PMP22: variants seen among roughly 807,000 people sequenced by gnomAD.
The protein encoded by PMP22 is Charcot-Marie-Tooth neuropathy 1A (greatly reduced nerve conduction velocity, hereditary motor sensory neuropathy Ia).
PMP22 carries 2 observed loss-of-function variants against 18.9 expected under a neutral mutation model. The ratio of observed to expected loss-of-function variants is 0.11; its 90% confidence interval spans 0.04 to 0.33. The LOEUF is 0.33. Ranked by LOEUF, PMP22 falls within the 10% of genes least tolerant of loss-of-function variation. PMP22 has a pLI of 1.00. For missense variants in PMP22, 169 were observed against 202.2 expected (o/e 0.84, Z 1.00); for synonymous variants, 95 against 89.2 (o/e 1.07, Z -0.37).
chr17:15,249,728 G>A (rs1460437552), intron 3 of PMP22, among the ~76,000 whole-genome samples: 1 of 152,178 alleles, frequency 6.6e-6, no homozygotes, highest in Non-Finnish European at 1.5e-5. Flanking sequence ...ATCGTCAACT[G>A]TTTGAAGAGT....
At chr17:15,244,548 T>C (rs141396698) in intron 3 of PMP22, among the ~76,000 whole-genome samples, 2,044 of 152,306 alleles carry the variant, frequency 0.013, 49 homozygotes, top group African/African-American at 0.047. Context: ...GATTGTAGCA[T>C]TTCTATGAGG....
rs145209241 is a variant in PMP22 at position 15,250,646 on chromosome 17, A to G, written c.178+8448T>C. On this transcript the variant is annotated intron_variant, in intron 3 of 4. Transcript: ENST00000312280. ...AAGCCCAAAACGTAGAGTCATCTAG[A>G]ATCATTCTTCCCTAACTCCCTACAT... Among the ~76,000 whole-genome samples, 566 of 152,236 alleles carry G rather than the reference A, an allele frequency of 3.7e-3. 1 individual carries two copies. The Middle Eastern group carries it at 0.041, about 11-fold the overall frequency.
intron 4 of PMP22, among the ~76,000 whole-genome samples, chr17:15,234,360 C>T (rs1315682505): frequency 6.6e-6 from 1 of 152,168 alleles, no homozygotes; most frequent in Non-Finnish European, 1.5e-5. Flanking sequence ...CTTTGGTAAC[C>T]TCGCAAAAGC....
chr17:15,261,066 A>G lies in PMP22; in HGVS notation c.-34-305T>C. 5.5e-6 allele frequency: 1 copy of G among 180,844 alleles called. No individual in the cohort carries two copies. Among genetic ancestry groups the G allele is most frequent in the Non-Finnish European group, 1.1e-5 (1 of 88,966 alleles). 11.2% of individuals were successfully genotyped at this position (180,844 alleles called of 1,614,324 possible). On this transcript the variant is annotated intron_variant, in intron 1 of 4. Transcript: ENST00000312280. This position sits in a 1 kb window ranked among gnomAD's most constrained non-coding sequence, Gnocchi z 5.2. ...CCACCCAGGGAACGGAGGGGTTTCC[A>G]GAAAATATGAGCAGAGGCCACTGCA...
intron 3 of PMP22, among the ~76,000 whole-genome samples, chr17:15,241,234 C>T (rs551633150): frequency 6.6e-6 from 1 of 152,146 alleles, no homozygotes; most frequent in Non-Finnish European, 1.5e-5. Context: ...TGTGAGCCAT[C>T]CTGATTTCAC....
chr17:15,248,350 G>A (rs184181184), intron 3 of PMP22, among the ~76,000 whole-genome samples: 14 of 152,290 alleles, frequency 9.2e-5, no homozygotes, highest in African/African-American at 3.4e-4. Context: ...GCCACTAGTG[G>A]GCACAAACTG....
chr17:15,260,601 A>C (rs1301300898), intron 2 of PMP22, 49 bp downstream of exon 2: 1 of 1,461,370 alleles, frequency 6.8e-7, no homozygotes, highest in Non-Finnish European at 9.4e-7. Flanking sequence ...CTGGGAACCC[A>C]GATGGGGAAG....
intron 4 of PMP22, among the ~76,000 whole-genome samples, chr17:15,231,333 A>G (rs369086579): frequency 6.6e-6 from 1 of 152,116 alleles, no homozygotes; most frequent in South Asian, 2.1e-4. Context: ...TTTCTGCCCT[A>G]TTTCTCTTTC....
At chr17:15,251,257 G>A (rs1908315078) in intron 3 of PMP22, among the ~76,000 whole-genome samples, 3 of 152,144 alleles carry the variant, frequency 2.0e-5, no homozygotes, top group Admixed American at 2.0e-4. Context: ...CATTCCTCCA[G>A]TGATGACTTT....
chr17:15,260,852 G>T, intron 1 of PMP22, 91 bp from the exon 2 acceptor site: 2 of 899,104 alleles, frequency 2.2e-6, no homozygotes, highest in Non-Finnish European at 3.5e-6. Flanking sequence ...CTAGCGGAAG[G>T]CCCGGCCTGG....
chr17:15,262,131 T>C (rs1217073848), intron 1 of PMP22, among the ~76,000 whole-genome samples: 2 of 152,210 alleles, frequency 1.3e-5, no homozygotes, highest in Non-Finnish European at 2.9e-5. Context: ...TGCCAGTGTG[T>C]CCCAGAGTCA....
At chr17:15,263,446 C>G (rs956663219) in intron 1 of PMP22, among the ~76,000 whole-genome samples, 4 of 152,132 alleles carry the variant, frequency 2.6e-5, no homozygotes, top group African/African-American at 9.7e-5. Context: ...AGGCTAGCCC[C>G]CTTCAGTCTC....
intron 3 of PMP22, among the ~76,000 whole-genome samples, chr17:15,246,634 T>C (rs1907842638): frequency 6.6e-6 from 1 of 152,222 alleles, no homozygotes; most frequent in African/African-American, 2.4e-5. Context: ...ATGCAATAAA[T>C]AGTAGAACTT....
chr17:15,250,031 T>A (rs1182685768), intron 3 of PMP22, among the ~76,000 whole-genome samples: 1 of 152,176 alleles, frequency 6.6e-6, no homozygotes, highest in East Asian at 1.9e-4. Flanking sequence ...TTCTCCTGCC[T>A]CAGCCTCCCG....
intron 3 of PMP22, among the ~76,000 whole-genome samples, chr17:15,251,214 A>C (rs1364662123): frequency 1.3e-5 from 2 of 152,090 alleles, no homozygotes; most frequent in African/African-American, 2.4e-5. Flanking sequence ...AGACCACATC[A>C]CTATGGAAGG....
In PMP22 at chr17:15,237,466, G is replaced by C. The variant is rs1906912530; in HGVS notation, c.319+2005C>G. On this transcript the variant is annotated intron_variant, in intron 4 of 4. Coordinates refer to ENST00000312280, the MANE Select transcript of PMP22 (RefSeq NM_000304.4). ...ATTTTCAATGTGACTGGGTCTTATA[G>C]TACAGGCTTGTATTCATCACAGATG... Among the ~76,000 whole-genome samples, 3 of 152,320 alleles carry C rather than the reference G, an allele frequency of 2.0e-5. No homozygotes were observed. The South Asian group carries it at 6.2e-4, about 32-fold the overall frequency.
intron 1 of PMP22, 69 bp from the exon 2 acceptor site, chr17:15,260,830 G>T: frequency 9.2e-7 from 1 of 1,088,390 alleles, no homozygotes; most frequent in Non-Finnish European, 1.4e-6. Flanking sequence ...CGCAGAGGGA[G>T]GGTCCCGCGC....
chr17:15,263,778 C>T (rs530567467), intron 1 of PMP22, among the ~76,000 whole-genome samples: 1 of 152,188 alleles, frequency 6.6e-6, no homozygotes, highest in Non-Finnish European at 1.5e-5. Flanking sequence ...TTAAAACTAT[C>T]GTGTTATCAG....
intron 3 of PMP22, among the ~76,000 whole-genome samples, chr17:15,241,322 A>G (rs1907296348): frequency 6.6e-6 from 1 of 152,212 alleles, no homozygotes; most frequent in Admixed American, 6.5e-5. Context: ...CAATAAAGAT[A>G]ATGTTCTCAT....
Sources: allele counts gnomAD v4.1 joint callset (sites outside exome capture counted in the v4.1 genomes callset), GRCh38; gene constraint gnomAD v4.1.1; non-coding constraint Gnocchi (gnomAD v3.1); transcripts MANE v1.5; gene names NCBI Gene and HGNC (gene_info 2026-07-23, HGNC 2026-07-21).